The following SLIT3 variants were observed in gnomAD, a reference collection of about 807,000 sequenced individuals.
SLIT3 encodes the protein slit guidance ligand 3.
SLIT3 carries 68 observed loss-of-function variants against 184.0 expected under a neutral mutation model. That is an observed-to-expected ratio of 0.37 (90% CI 0.30 to 0.45). The LOEUF is 0.45. Among genes scored for constraint, SLIT3 ranks in the 20% least tolerant of loss-of-function variants. SLIT3 has a pLI of 1.00. For synonymous variants in SLIT3, 831 were observed against 828.6 expected (o/e 1.00, Z -0.05); for missense variants, 1,707 against 2,026.0 (o/e 0.84, Z 3.02).
intron 4 of SLIT3, among the ~76,000 whole-genome samples, chr5:168,903,412 T>C (rs62377167): frequency 0.05 from 7,569 of 152,164 alleles, 236 homozygotes; most frequent in Middle Eastern, 0.099. Flanking sequence ...TCTGATGAGT[T>C]ATAAACCTCT....
chr5:169,023,601 T>C (rs1756689565), intron 4 of SLIT3: 1 of 147,090 alleles, frequency 6.8e-6, no homozygotes, highest in African/African-American at 2.5e-5. Flanking sequence ...TTCTACCCTC[T>C]GTTCTTTTTT....
intron 4 of SLIT3, among the ~76,000 whole-genome samples, chr5:168,901,716 T>C (rs1242588121): frequency 6.6e-6 from 1 of 152,186 alleles, no homozygotes; most frequent in Admixed American, 6.5e-5. Context: ...AGGTCCTGAC[T>C]GTGTGGAACA....
At chr5:168,919,223 G>A (rs943527831) in intron 4 of SLIT3, among the ~76,000 whole-genome samples, 8 of 147,982 alleles carry the variant, frequency 5.4e-5, no homozygotes, top group African/African-American at 2.0e-4. Flanking sequence ...TCGCGCCACT[G>A]CACTCCAGCC....
At chr5:168,708,160 C>T in intron 25 of SLIT3, 60 bp from the exon 26 acceptor site, 1 of 1,612,508 alleles carries the variant, frequency 6.2e-7, no homozygotes, top group Non-Finnish European at 8.5e-7. Flanking sequence ...GCCATACCTC[C>T]CTTCCCCTCT....
chr5:169,196,161 GA>G (rs35082106), intron 3 of SLIT3, among the ~76,000 whole-genome samples: 94,852 of 148,724 alleles, frequency 0.64, 30,281 homozygotes, highest in East Asian at 0.79. Context: ...CACTAAAGTA[GA>G]AAAAAAAAAA....
chr5:169,171,858 G>A (rs541605786), intron 4 of SLIT3, among the ~76,000 whole-genome samples: 5 of 152,318 alleles, frequency 3.3e-5, no homozygotes, highest in South Asian at 4.1e-4. Context: ...AACCCACCCA[G>A]AATGCCTAAG....
chr5:168,865,586 G>A (rs1759270602), intron 5 of SLIT3, among the ~76,000 whole-genome samples: 1 of 152,234 alleles, frequency 6.6e-6, no homozygotes, highest in African/African-American at 2.4e-5. Flanking sequence ...ATGCATGGGA[G>A]AGAGGACTGG....
intron 4 of SLIT3, among the ~76,000 whole-genome samples, chr5:169,087,370 C>T (rs1248768266): frequency 6.6e-6 from 1 of 152,142 alleles, no homozygotes; most frequent in African/African-American, 2.4e-5. Flanking sequence ...CATTTGTAGG[C>T]AAATCTCTAT....
At position 168,700,662 on chromosome 5, in the gene SLIT3, C is replaced by T. The variant is rs745667099; in HGVS notation, c.2862G>A (p.Val954=). The change falls in exon 27 of 36, where the codon GTG becomes GTA. Residue 954 remains valine (V), a synonymous_variant. Transcript: ENST00000519560. ...GGTTCTGGATGCAGGTGTTGATGGG[C>T]ACAGTGCAGTCCTTGCCCTGAGGAG... ...PYSYKGKDCT[V]PINTCIQNPC... 1 of 1,614,076 alleles carries T rather than the reference C, an allele frequency of 6.2e-7. No homozygotes were observed. The highest frequency in any genetic ancestry group is 1.1e-5 in the South Asian group (1 of 91,070).
intron 4 of SLIT3, among the ~76,000 whole-genome samples, chr5:168,898,222 T>C (rs544582915): frequency 6.6e-6 from 1 of 152,286 alleles, no homozygotes; most frequent in African/African-American, 2.4e-5. Context: ...AATATAAATA[T>C]TCTCCTATTG....
At chr5:169,144,464 T>G (rs1234687759) in intron 4 of SLIT3, among the ~76,000 whole-genome samples, 1 of 152,262 alleles carries the variant, frequency 6.6e-6, no homozygotes, top group Non-Finnish European at 1.5e-5. Context: ...CTCTCCCACC[T>G]GAGTATAAAC....
chr5:168,960,828 G>A (rs927028805), intron 4 of SLIT3, among the ~76,000 whole-genome samples: 2 of 152,220 alleles, frequency 1.3e-5, no homozygotes, highest in Non-Finnish European at 2.9e-5. Flanking sequence ...CCTAAAGCTG[G>A]AGCTTTATTA....
At chr5:168,896,113 T>G (rs972610013) in intron 4 of SLIT3, among the ~76,000 whole-genome samples, 9 of 152,202 alleles carry the variant, frequency 5.9e-5, no homozygotes, top group Non-Finnish European at 1.3e-4. Context: ...GCCATACTTT[T>G]CTTGGTAACT....
At chr5:168,883,167 G>C (rs1760020896) in intron 5 of SLIT3, 98 bp downstream of exon 5, 18 of 870,186 alleles carry the variant, frequency 2.1e-5, no homozygotes, top group Middle Eastern at 2.5e-4. Context: ...ATCTCTGAAG[G>C]CACCTGGACC....
At position 169,073,791 on chromosome 5, in the gene SLIT3, C is replaced by T. The variant is rs549791216; in HGVS notation, c.413+119688G>A. 7.9e-5 allele frequency among the ~76,000 whole-genome samples: 12 copies of T among 152,180 alleles called. No homozygotes were observed. The South Asian group carries it at 1.0e-3, about 13-fold the overall frequency. On this transcript the variant is annotated intron_variant, in intron 4 of 35. Transcript: ENST00000519560. Reference sequence around the variant, plus strand: ...CACCTTCTGCAATGATTGTAAACTCCCTGAGGCCCTCACCAAAAGCAGATG... The same window carrying T: ...CACCTTCTGCAATGATTGTAAACTCTCTGAGGCCCTCACCAAAAGCAGATG...
At chr5:168,874,280 C>T (rs1289497221) in intron 5 of SLIT3, among the ~76,000 whole-genome samples, 1 of 152,188 alleles carries the variant, frequency 6.6e-6, no homozygotes, top group Non-Finnish European at 1.5e-5. Context: ...CTCTGGGCTC[C>T]TTCTTGTTGC....
At position 168,666,691 on chromosome 5, in the gene SLIT3, T is replaced by C; in HGVS notation, c.4337-2A>G. The C allele has an allele frequency of 6.2e-7, 1 of 1,614,118 alleles. No individual in the cohort carries two copies. The highest frequency in any genetic ancestry group is 1.1e-5 in the South Asian group (1 of 91,068). On this transcript the variant is annotated splice_acceptor_variant, in intron 35 of 35. Coordinates refer to ENST00000519560, the MANE Select transcript of SLIT3 (RefSeq NM_003062.4). LOFTEE classifies it high-confidence loss of function. ...CTACTTGTCCCAGGCACGGATTCTCTGCAGAGGGCATAGAAGTCAGGGCAT... is the reference window on the plus strand; with the variant it reads ...CTACTTGTCCCAGGCACGGATTCTCCGCAGAGGGCATAGAAGTCAGGGCAT...
chr5:168,823,385 A>C, intron 6 of SLIT3, 54 bp from the exon 7 acceptor site: 1 of 1,320,320 alleles, frequency 7.6e-7, no homozygotes, highest in Non-Finnish European at 1.1e-6. Context: ...GGGAGGCACC[A>C]AGATGCTTGT....
intron 4 of SLIT3, among the ~76,000 whole-genome samples, chr5:169,109,441 C>T (rs1760331937): frequency 6.6e-6 from 1 of 152,198 alleles, no homozygotes; most frequent in Non-Finnish European, 1.5e-5. Flanking sequence ...GCAGTCCAAC[C>T]AACACCTCGT....
Sources: gnomAD v4.1 joint callset for allele counts (sites outside exome capture counted in the v4.1 genomes callset) on GRCh38, gnomAD v4.1.1 for gene constraint, MANE v1.5 for transcripts, NCBI Gene and HGNC (gene_info 2026-07-23, HGNC 2026-07-21) for gene names.